Variants in GPC6 observed in about 807,000 individuals in gnomAD.
GPC6 encodes glypican 6, also known as glypican-6.
A neutral mutation model predicts 55.2 loss-of-function variants in GPC6; 14 were observed. The ratio of observed to expected loss-of-function variants is 0.25; its 90% CI spans 0.17 to 0.40. The LOEUF (loss-of-function observed/expected upper bound fraction) is 0.40, where lower values mean the gene tolerates loss of function less well. Among genes scored for constraint, GPC6 ranks in the 10% least tolerant of loss-of-function variants. The pLI, the probability that GPC6 is intolerant of heterozygous loss-of-function variation, is 1.00. For synonymous variants in GPC6, 278 were observed against 259.6 expected, an observed-to-expected ratio of 1.07 and a Z score of -0.68; for missense variants, 641 against 708.5, an observed-to-expected ratio of 0.90 and a Z score of 1.08.
intron 1 of GPC6, among the ~76,000 whole-genome samples, chr13:93,270,936 G>T (rs1292096072): frequency 6.6e-6 from 1 of 152,168 alleles, no homozygotes; most frequent in African/African-American, 2.4e-5. Flanking sequence ...TAGGTTGAAA[G>T]GGCTTTCTGC....
Position 93,651,868 on chromosome 13 carries a change from A to T in GPC6, c.319+106447A>T, listed in dbSNP as rs189374667. Among the ~76,000 whole-genome samples, 238 of 151,978 alleles carry T rather than the reference A, an allele frequency of 1.6e-3. 1 individual carries two copies. Among genetic ancestry groups the T allele is most frequent in the Non-Finnish European group, 3.1e-4 (21 of 67,984 alleles). On this transcript the variant is annotated intron_variant, in intron 2 of 8. Transcript: ENST00000377047. Reference sequence around the variant, plus strand: ...TAACAAACACCGACGTCCATATTCCACTCCAGACCAATTAAATCAGAATCC... The same window carrying T: ...TAACAAACACCGACGTCCATATTCCTCTCCAGACCAATTAAATCAGAATCC...
At chr13:94,324,799 G>A (rs1401482169) in intron 6 of GPC6, among the ~76,000 whole-genome samples, 1 of 151,954 alleles carries the variant, frequency 6.6e-6, no homozygotes, top group Non-Finnish European at 1.5e-5. Context: ...GAATCTGTGT[G>A]GCAGCCTATA....
At chr13:94,218,595 A>G (rs1890290149) in intron 4 of GPC6, among the ~76,000 whole-genome samples, 1 of 152,152 alleles carries the variant, frequency 6.6e-6, no homozygotes, top group Non-Finnish European at 1.5e-5. Flanking sequence ...GGGCCTTGCA[A>G]AAGTTGTGTC....
chr13:93,860,252 G>A (rs1002779737), intron 3 of GPC6, among the ~76,000 whole-genome samples: 1 of 151,534 alleles, frequency 6.6e-6, no homozygotes, highest in Admixed American at 6.6e-5. Flanking sequence ...GTGGCTATTT[G>A]GTTGACATAT....
chr13:93,898,625 C>T (rs1876154932), intron 3 of GPC6, among the ~76,000 whole-genome samples: 2 of 142,208 alleles, frequency 1.4e-5, no homozygotes, highest in East Asian at 2.1e-4. Context: ...TTCCAAGTAA[C>T]CATATTGTGT....
chr13:94,144,569 GTGTGTA>G (rs755381816), intron 4 of GPC6, among the ~76,000 whole-genome samples: 54 of 129,242 alleles, frequency 4.2e-4, no homozygotes, highest in Non-Finnish European at 8.2e-4. Context: ...GTGTGTGTGT[GTGTGTA>G]TAAGACAGAG....
Position 93,275,870 on chromosome 13 carries a change from T to A in GPC6, c.160+48254T>A, listed in dbSNP as rs575050109. Among the ~76,000 whole-genome samples, 14 of 152,138 alleles carry A rather than the reference T, an allele frequency of 9.2e-5. No individual in the cohort carries two copies. In the South Asian group the frequency reaches 2.9e-3, roughly 32 times the overall value. ...TGCAGTTTCGCCCATAACAGGATAA[T>A]TTTTTTGTTTTGTTTTGTTTTGAGA... On this transcript the variant is annotated intron_variant, in intron 1 of 8. Coordinates refer to ENST00000377047, the MANE Select transcript of GPC6 (RefSeq NM_005708.5).
At chr13:93,547,798 T>A (rs995664159) in intron 2 of GPC6, among the ~76,000 whole-genome samples, 8 of 150,444 alleles carry the variant, frequency 5.3e-5, no homozygotes, top group African/African-American at 1.8e-4. Flanking sequence ...ATAATAATAA[T>A]AATAATCATC....
intron 3 of GPC6, among the ~76,000 whole-genome samples, chr13:94,025,932 A>C (rs1371864997): frequency 6.6e-6 from 1 of 152,200 alleles, no homozygotes; most frequent in Non-Finnish European, 1.5e-5. Flanking sequence ...GGGATAAAAA[A>C]AATTAAAGGA....
chr13:93,276,190 T>G lies in GPC6; in HGVS notation c.160+48574T>G, dbSNP rs534204050. 2.6e-5 allele frequency among the ~76,000 whole-genome samples: 4 copies of G among 152,030 alleles called. No homozygotes were observed. In the East Asian group the frequency reaches 7.8e-4, roughly 30 times the overall value. On this transcript the variant is annotated intron_variant, in intron 1 of 8. Transcript: ENST00000377047. ...CGCCCAGCGAGAATTTTTAAGTATT[T>G]TATGTTCAGTGACCAGGGTAAAACC...
chr13:94,404,949 T>G lies in GPC6; in HGVS notation c.*1732T>G, dbSNP rs1473617254. On this transcript the variant is annotated 3_prime_UTR_variant, in exon 9 of 9. Coordinates refer to ENST00000377047, the MANE Select transcript of GPC6 (RefSeq NM_005708.5). ...CTTAGTTTTTATGATGCATCTGGAG[T>G]AGGGAAAAGTAATGTTTCAAGACAC... is the stretch of plus-strand genomic sequence containing the variant. 2 of 152,058 alleles carry G rather than the reference T, an allele frequency of 1.3e-5. No individual in the cohort carries two copies. The highest frequency in any genetic ancestry group is 2.9e-5 in the Non-Finnish European group (2 of 67,996). The allele number at this position is 152,058 out of a possible 1,614,324, so 9.4% of individuals were successfully genotyped here.
chr13:94,044,338 T>C (rs950056344), intron 4 of GPC6, among the ~76,000 whole-genome samples: 3 of 151,870 alleles, frequency 2.0e-5, no homozygotes, highest in Non-Finnish European at 4.4e-5. Flanking sequence ...TGTTCCACTA[T>C]TGGAATGCTA....
intron 3 of GPC6, among the ~76,000 whole-genome samples, chr13:93,838,771 C>T (rs1484976680): frequency 6.6e-6 from 1 of 151,994 alleles, no homozygotes; most frequent in Non-Finnish European, 1.5e-5. Flanking sequence ...TCTGGAAAGA[C>T]CGCAGAGACC....
chr13:93,318,338 T>G (rs1879314094), intron 1 of GPC6, among the ~76,000 whole-genome samples: 1 of 152,162 alleles, frequency 6.6e-6, no homozygotes, highest in Non-Finnish European at 1.5e-5. Flanking sequence ...AAATTTTTAT[T>G]TTGAATAATG....
chr13:93,990,852 G>A (rs1347749185), intron 3 of GPC6, among the ~76,000 whole-genome samples: 3 of 150,580 alleles, frequency 2.0e-5, no homozygotes, highest in Non-Finnish European at 4.4e-5. Flanking sequence ...GATAGAGCAA[G>A]ACCCTGTCAA....
At chr13:94,188,823 T>C (rs1430493272) in intron 4 of GPC6, among the ~76,000 whole-genome samples, 1 of 152,196 alleles carries the variant, frequency 6.6e-6, no homozygotes, top group Non-Finnish European at 1.5e-5. Context: ...AAAGAGAGAC[T>C]GAGACTCAAG....
intron 4 of GPC6, among the ~76,000 whole-genome samples, chr13:94,117,092 A>G (rs1322457498): frequency 6.6e-6 from 1 of 152,050 alleles, no homozygotes; most frequent in Non-Finnish European, 1.5e-5. Flanking sequence ...ATATCTTGTT[A>G]ATTCCATAAC....
chr13:93,797,176 AT>A (rs1156342302), intron 2 of GPC6, among the ~76,000 whole-genome samples: 1 of 115,962 alleles, frequency 8.6e-6, no homozygotes, highest in Non-Finnish European at 1.9e-5. Flanking sequence ...AAAAATGCAG[AT>A]TTTTATTCCC....
chr13:93,380,680 G>A (rs531474707), intron 1 of GPC6, among the ~76,000 whole-genome samples: 7 of 152,104 alleles, frequency 4.6e-5, no homozygotes, highest in Non-Finnish European at 8.8e-5. Flanking sequence ...GAACTGGGGT[G>A]CCACTGTCAT....
Sources: allele counts gnomAD v4.1 joint callset (sites outside exome capture counted in the v4.1 genomes callset), GRCh38; gene constraint gnomAD v4.1.1; transcripts MANE v1.5; gene names NCBI Gene and HGNC (gene_info 2026-07-23, HGNC 2026-07-21).